The following COL4A3 variants were observed in gnomAD, a reference collection of about 807,000 sequenced individuals.
The protein encoded by COL4A3 is collagen type IV alpha 3 chain.
COL4A3 carries 135 observed loss-of-function variants against 217.4 expected under a neutral mutation model. The observed-to-expected ratio is 0.62, with a 90% CI of 0.54 to 0.72. COL4A3 has a LOEUF of 0.72. COL4A3 is among the 30% of genes least tolerant of loss of function. COL4A3 has a pLI of 0.00. For missense variants in COL4A3, 1,868 were observed against 2,119.9 expected, an observed-to-expected ratio of 0.88 and a Z score of 2.33; for synonymous variants, 690 against 736.3, an observed-to-expected ratio of 0.94 and a Z score of 1.02.
chr2:227,225,075 C>T (rs1489024493), intron 1 of COL4A3, among the ~76,000 whole-genome samples: 3 of 152,162 alleles, frequency 2.0e-5, no homozygotes, highest in African/African-American at 7.2e-5. Flanking sequence ...CCATGCCTGG[C>T]TAATTTTTTT....
intron 1 of COL4A3, among the ~76,000 whole-genome samples, chr2:227,195,568 T>C (rs969080887): frequency 2.6e-5 from 4 of 152,142 alleles, no homozygotes; most frequent in African/African-American, 9.7e-5. Flanking sequence ...TTATGTACGA[T>C]ACATAATACT....
At position 227,298,703 on chromosome 2, in the gene COL4A3, C is replaced by T. The variant is rs757440842; in HGVS notation, c.3773C>T (p.Pro1258Leu). Reference sequence around the variant, plus strand: ...TCAGGTGCGCCTGGTCCCCCTGGACCTCCAGGGAGTCATGTAATAGGCATA... The same window carrying T: ...TCAGGTGCGCCTGGTCCCCCTGGACTTCCAGGGAGTCATGTAATAGGCATA... The part of the protein sequence containing the change: ...GSPGAPGPPG[P>L]PGSHVIGIKG... The change falls in exon 43 of 52, where the codon CCT becomes CTT. Residue 1258 changes from proline (P) to leucine (L), a missense_variant. Transcript: ENST00000396578. 6.2e-7 allele frequency: 1 copy of T among 1,613,994 alleles called. No homozygotes were observed. The highest frequency in any genetic ancestry group is 8.5e-7 in the Non-Finnish European group (1 of 1,179,934).
In COL4A3 at chr2:227,229,195, T is replaced by C. The variant is rs114477660; in HGVS notation, c.88-8773T>C. On this transcript the variant is annotated intron_variant, in intron 1 of 51. Transcript: ENST00000396578. Reference sequence around the variant, plus strand: ...GCGAGAATTGAGATCAAGAGAAGAGTGTGAGACCCAATTGATCCGCACTCC... The same window carrying C: ...GCGAGAATTGAGATCAAGAGAAGAGCGTGAGACCCAATTGATCCGCACTCC... Among the ~76,000 whole-genome samples the C allele has an allele frequency of 3.3e-3, 509 of 152,148 alleles. 2 individuals are homozygous for C. Among genetic ancestry groups the C allele is most frequent in the African/African-American group, 0.012 (479 of 41,518 alleles).
chr2:227,283,182 T>C (rs181505955), intron 32 of COL4A3, among the ~76,000 whole-genome samples: 1 of 152,346 alleles, frequency 6.6e-6, no homozygotes, highest in Admixed American at 6.5e-5. Context: ...TTGTTTTAAT[T>C]TCATGGCTAT....
chr2:227,224,669 C>T (rs960553757), intron 1 of COL4A3, among the ~76,000 whole-genome samples: 6 of 151,866 alleles, frequency 4.0e-5, no homozygotes, highest in South Asian at 4.2e-4. Context: ...GCAGGAGAAT[C>T]GCTTGAACCC....
intron 20 of COL4A3, among the ~76,000 whole-genome samples, chr2:227,263,034 A>C (rs1410816051): frequency 6.6e-6 from 1 of 152,240 alleles, no homozygotes; most frequent in Non-Finnish European, 1.5e-5. Flanking sequence ...GATACATGTA[A>C]CAAAATCTTA....
chr2:227,287,283 T>C (rs1417824805), intron 34 of COL4A3, among the ~76,000 whole-genome samples: 2 of 150,162 alleles, frequency 1.3e-5, no homozygotes, highest in Admixed American at 1.3e-4. Context: ...AATACAAAAA[T>C]TAGCGGGCGT....
At position 227,191,662 on chromosome 2, in the gene COL4A3, A is replaced by C. The variant is rs1205236341; in HGVS notation, c.87+26849A>C. On this transcript the variant is annotated intron_variant, in intron 1 of 51. Coordinates refer to ENST00000396578, the MANE Select transcript of COL4A3 (RefSeq NM_000091.5). This position sits in a 1 kb window ranked among gnomAD's most constrained non-coding sequence, Gnocchi z 6.8. ...ACAGATGTAGCTGAAGTTTTACATT[A>C]TGGCCTGCAAGAAACTTTATTCTAA... Among the ~76,000 whole-genome samples, 1 of 152,198 alleles carries C rather than the reference A, an allele frequency of 6.6e-6. No individual in the cohort carries two copies. Among genetic ancestry groups the C allele is most frequent in the Admixed American group, 6.5e-5 (1 of 15,278 alleles).
chr2:227,301,892 C>G (rs2073301928), intron 43 of COL4A3: 1 of 152,240 alleles, frequency 6.6e-6, no homozygotes, highest in Admixed American at 6.5e-5. Context: ...TTTATCCAAG[C>G]AATCAGATGG....
Position 227,256,084 on chromosome 2 carries a change from T to A in COL4A3, c.933+14T>A. The A allele has an allele frequency of 6.2e-7, 1 of 1,613,346 alleles. No homozygotes were observed. The highest frequency in any genetic ancestry group is 1.1e-5 in the South Asian group (1 of 91,052). On this transcript the variant is annotated intron_variant, in intron 16 of 51. Transcript: ENST00000396578. ...CCTGGAAGTGAGGTATAGAGTTGAT[T>A]TGGCCTATGGAGGTAGTAAAAATGT... is the stretch of plus-strand genomic sequence containing the variant.
Position 227,275,428 on chromosome 2 carries a change from G to A in COL4A3, c.1928-957G>A, listed in dbSNP as rs569810657. On this transcript the variant is annotated intron_variant, in intron 26 of 51. Transcript: ENST00000396578. The stretch of plus-strand genomic sequence containing the variant: ...ACTCCTGACCTCAAGTGATCCACCC[G>A]CCTTGGTCTCCCAAAGTTCTGGGAT... Among the ~76,000 whole-genome samples, 13 of 152,154 alleles carry A rather than the reference G, an allele frequency of 8.5e-5. No individual in the cohort carries two copies. In the South Asian group the frequency reaches 1.2e-3, roughly 15 times the overall value.
At chr2:227,297,933 T>C in intron 42 of COL4A3, 74 bp downstream of exon 42, 4 of 1,450,148 alleles carry the variant, frequency 2.8e-6, no homozygotes, top group Non-Finnish European at 3.8e-6. Context: ...AACCTCCTCC[T>C]CATGTTACCT....
chr2:227,237,970 T>TTGTG lies in COL4A3; in HGVS notation c.92_95dup (p.Lys34LeufsTer2), dbSNP rs1385106410. On this transcript the variant is annotated frameshift_variant, in exon 2 of 52. Transcript: ENST00000396578. LOFTEE classifies it high-confidence loss of function. ...CCTTTCTCTTTCCCTCTTCCTAGGG[T>TTGTG]TGTGTCTGTAAAGACAAAGGCCAGT... 4 of 1,609,402 alleles carry TTGTG rather than the reference T, an allele frequency of 2.5e-6. No individual in the cohort carries two copies. The highest frequency in any genetic ancestry group is 3.3e-5 in the Admixed American group (2 of 59,988).
At position 227,253,163 on chromosome 2, in the gene COL4A3, C is replaced by G. The variant is rs1448204870; in HGVS notation, c.646-133C>G. On this transcript the variant is annotated intron_variant, in intron 11 of 51. Transcript: ENST00000396578. This position sits in a 1 kb window ranked among gnomAD's most constrained non-coding sequence, Gnocchi z 4.4. Reference sequence around the variant, plus strand: ...ATCAATGCTCTTCTCTAAGAAATAGCTAAAATATGTATCATTCTAAAATGA... The same window carrying G: ...ATCAATGCTCTTCTCTAAGAAATAGGTAAAATATGTATCATTCTAAAATGA... 2 of 769,894 alleles carry G rather than the reference C, an allele frequency of 2.6e-6. No homozygotes were observed. The highest frequency in any genetic ancestry group is 3.5e-5 in the African/African-American group (2 of 56,706). The allele number at this position is 769,894 out of a possible 1,614,324, so 47.7% of individuals were successfully genotyped here. A position where few individuals can be genotyped will look rare whatever the true frequency, so the allele number is the denominator to read the frequency against.
rs1342226914 is a variant in COL4A3, at chr2:227,195,933, CAATA to C, written c.87+31131_87+31134del. Among the ~76,000 whole-genome samples, 9 of 151,214 alleles carry C rather than the reference CAATA, an allele frequency of 6.0e-5. No individual in the cohort carries two copies. In the South Asian group the frequency reaches 8.4e-4, roughly 14 times the overall value. ...AACAAAAAAAGCTTAAAAAGTTAAA[CAATA>C]AATAAATAAACAATTTAAAAATAGA... On this transcript the variant is annotated intron_variant, in intron 1 of 51. Coordinates refer to ENST00000396578, the MANE Select transcript of COL4A3 (RefSeq NM_000091.5).
intron 34 of COL4A3, among the ~76,000 whole-genome samples, chr2:227,285,191 C>T (rs2072235410): frequency 7.1e-6 from 1 of 141,628 alleles, no homozygotes; most frequent in Non-Finnish European, 1.5e-5. Flanking sequence ...TTTGAAATGA[C>T]TTTTGAGAAA....
intron 1 of COL4A3, among the ~76,000 whole-genome samples, chr2:227,236,533 T>A (rs12478772): frequency 0.14 from 20,733 of 152,266 alleles, 1,741 homozygotes; most frequent in South Asian, 0.36. Context: ...TAGATTTGCC[T>A]GGCCTCTGCC....
chr2:227,251,517 C>A, intron 11 of COL4A3, 146 bp downstream of exon 11: 1 of 710,048 alleles, frequency 1.4e-6, no homozygotes, highest in South Asian at 1.6e-5. Context: ...TGGCTAGCTG[C>A]TCTCACCTCT....
At chr2:227,224,259 G>A (rs951495764) in intron 1 of COL4A3, among the ~76,000 whole-genome samples, 15 of 151,956 alleles carry the variant, frequency 9.9e-5, no homozygotes, top group African/African-American at 3.1e-4. Flanking sequence ...ATCAGCCAGT[G>A]GAAGCGCAGG....
Sources: allele counts gnomAD v4.1 joint callset (sites outside exome capture counted in the v4.1 genomes callset), GRCh38; gene constraint gnomAD v4.1.1; non-coding constraint Gnocchi (gnomAD v3.1); transcripts MANE v1.5; gene names NCBI Gene and HGNC (gene_info 2026-07-23, HGNC 2026-07-21).